Variants in PDCD1LG2 observed in about 807,000 individuals in gnomAD.
PDCD1LG2 encodes programmed cell death 1 ligand 2, also known as B7 dendritic cell molecule.
A neutral mutation model predicts 28.2 loss-of-function variants in PDCD1LG2; 32 were observed. The observed-to-expected ratio is 1.13, with a 90% confidence interval of 0.86 to 1.52. The LOEUF (loss-of-function observed/expected upper bound fraction) is 1.52, where lower values mean the gene tolerates loss of function less well. PDCD1LG2 is among the 40% of genes most tolerant of loss of function. The pLI, the probability that PDCD1LG2 is intolerant of heterozygous loss-of-function variation, is 0.00. For missense variants in PDCD1LG2, 385 were observed against 323.8 expected, an observed-to-expected ratio of 1.19 and a Z score of -1.45; for synonymous variants, 116 against 120.2, an observed-to-expected ratio of 0.97 and a Z score of 0.23.
At chr9:5,543,731 G>A (rs963267335) in intron 3 of PDCD1LG2, among the ~76,000 whole-genome samples, 4 of 152,036 alleles carry the variant, frequency 2.6e-5, no homozygotes, top group African/African-American at 9.7e-5. Flanking sequence ...GAAACAGAAG[G>A]GTGTAAGAAA....
Position 5,522,599 on chromosome 9 carries a change from C to T in PDCD1LG2, c.53C>T (p.Ala18Val), listed in dbSNP as rs779657826. The change falls in exon 2 of 7, where the codon GCA (alanine) becomes GTA (valine). Residue 18 changes from alanine to valine, a missense_variant and splice_region_variant. Coordinates refer to ENST00000397747, the MANE Select transcript of PDCD1LG2 (RefSeq NM_025239.4). ...CTGGAATTGCAGCTTCACCAGATAG[C>T]AGGTAAGAAAGGACAAAGGGAGAGG... ...LSLELQLHQI[A>V]ALFTVTVPKE... The T allele has an allele frequency of 2.0e-5, 32 of 1,613,288 alleles. No individual in the cohort carries two copies. Among genetic ancestry groups the T allele is most frequent in the Non-Finnish European group, 2.6e-5 (31 of 1,179,502 alleles).
intron 4 of PDCD1LG2, among the ~76,000 whole-genome samples, chr9:5,550,699 C>CT (rs201167086): frequency 0.1 from 14,588 of 140,846 alleles, 876 homozygotes; most frequent in Middle Eastern, 0.2. Flanking sequence ...CTCTCTCTCT[C>CT]TTTTTTTTTT....
intron 4 of PDCD1LG2, 86 bp downstream of exon 4, chr9:5,549,690 T>C: frequency 6.7e-7 from 1 of 1,487,706 alleles, no homozygotes; most frequent in East Asian, 2.3e-5. Context: ...GAGGAGAGTG[T>C]AATAAAGGGA....
At chr9:5,551,236 G>C (rs1455750028) in intron 4 of PDCD1LG2, among the ~76,000 whole-genome samples, 1 of 152,144 alleles carries the variant, frequency 6.6e-6, no homozygotes, top group Non-Finnish European at 1.5e-5. Context: ...TCAGACTAAA[G>C]GACAGTCCCT....
At chr9:5,523,944 A>C (rs547043483) in intron 2 of PDCD1LG2, among the ~76,000 whole-genome samples, 5 of 152,284 alleles carry the variant, frequency 3.3e-5, no homozygotes, top group African/African-American at 1.2e-4. Context: ...TTTATCCCTC[A>C]TTGGCTCTTT....
intron 2 of PDCD1LG2, among the ~76,000 whole-genome samples, chr9:5,523,154 G>T (rs1258545841): frequency 6.6e-6 from 1 of 152,186 alleles, no homozygotes; most frequent in Non-Finnish European, 1.5e-5. Context: ...GAACCTTAAG[G>T]CTATCCCTTT....
chr9:5,552,996 C>G (rs892820395), intron 4 of PDCD1LG2, among the ~76,000 whole-genome samples: 33 of 152,268 alleles, frequency 2.2e-4, no homozygotes, highest in African/African-American at 7.5e-4. Flanking sequence ...AATCCCAGCA[C>G]TTTGGGAGGC....
chr9:5,541,359 G>A (rs1420135036), intron 3 of PDCD1LG2, among the ~76,000 whole-genome samples: 1 of 152,110 alleles, frequency 6.6e-6, no homozygotes, highest in East Asian at 1.9e-4. Flanking sequence ...CCTGGCCAGA[G>A]CACTCAAAGA....
At chr9:5,547,425 G>C (rs1816234334) in intron 3 of PDCD1LG2, among the ~76,000 whole-genome samples, 1 of 152,114 alleles carries the variant, frequency 6.6e-6, no homozygotes, top group African/African-American at 2.4e-5. Flanking sequence ...ACTGCATATG[G>C]TATTGATATT....
chr9:5,515,629 G>C (rs555770676), intron 1 of PDCD1LG2, among the ~76,000 whole-genome samples: 1 of 152,264 alleles, frequency 6.6e-6, no homozygotes, highest in East Asian at 1.9e-4. Flanking sequence ...ATCCCAGAGA[G>C]GTGAGGAGAC....
At chr9:5,515,996 C>T (rs1244361622) in intron 1 of PDCD1LG2, among the ~76,000 whole-genome samples, 1 of 151,420 alleles carries the variant, frequency 6.6e-6, no homozygotes, top group Non-Finnish European at 1.5e-5. Flanking sequence ...AACTGCTTCC[C>T]CTAGCTGGTA....
chr9:5,533,781 T>A (rs963407679), intron 2 of PDCD1LG2, among the ~76,000 whole-genome samples: 1 of 152,016 alleles, frequency 6.6e-6, no homozygotes, highest in East Asian at 1.9e-4. Context: ...ATTTTAACTT[T>A]ACTAACATAT....
intron 2 of PDCD1LG2, 66 bp from the exon 3 acceptor site, chr9:5,534,679 C>T (rs1239434523): frequency 6.9e-6 from 10 of 1,447,788 alleles, no homozygotes; most frequent in Admixed American, 2.0e-5. Context: ...TCTCAGGTTA[C>T]ACTTCGTAAG....
intron 2 of PDCD1LG2, among the ~76,000 whole-genome samples, chr9:5,531,185 C>T (rs1010177383): frequency 6.6e-6 from 1 of 152,204 alleles, no homozygotes; most frequent in African/African-American, 2.4e-5. Context: ...AAGATTGAGG[C>T]CCTCTGCTTA....
rs965537658 is a variant in PDCD1LG2 at position 5,544,241 on chromosome 9, A to G, written c.362-5094A>G. ...GAGACTGAGAAGCCAAACAGAGAAC[A>G]GGGAAGCAATTCAGAAATTAGCAAT... On this transcript the variant is annotated intron_variant, in intron 3 of 6. Coordinates refer to ENST00000397747, the MANE Select transcript of PDCD1LG2 (RefSeq NM_025239.4). Among the ~76,000 whole-genome samples the G allele has an allele frequency of 2.6e-4, 39 of 152,338 alleles. 1 individual carries two copies. The highest frequency in any genetic ancestry group is 8.4e-4 in the African/African-American group (35 of 41,586).
intron 3 of PDCD1LG2, among the ~76,000 whole-genome samples, chr9:5,542,859 C>CA (rs56122474): frequency 0.16 from 23,722 of 151,630 alleles, 2,418 homozygotes; most frequent in East Asian, 0.28. Flanking sequence ...AGTCATTATA[C>CA]AAAAAAAAGA....
chr9:5,548,789 T>TC, intron 3 of PDCD1LG2, among the ~76,000 whole-genome samples: 1 of 152,348 alleles, frequency 6.6e-6, no homozygotes, highest in South Asian at 2.1e-4. Context: ...TTATTTTTTT[T>TC]CTCTTCTTAA....
intron 5 of PDCD1LG2, among the ~76,000 whole-genome samples, chr9:5,559,652 G>C (rs1362959744): frequency 6.6e-6 from 1 of 152,200 alleles, no homozygotes; most frequent in African/African-American, 2.4e-5. Context: ...TTGGACTACA[G>C]AGAAATCTTC....
chr9:5,546,175 G>T (rs1360047706), intron 3 of PDCD1LG2, among the ~76,000 whole-genome samples: 1 of 152,082 alleles, frequency 6.6e-6, no homozygotes, highest in Non-Finnish European at 1.5e-5. Context: ...TGTATCCCAA[G>T]TCAAAGCCTC....
Sources: allele counts gnomAD v4.1 joint callset (sites outside exome capture counted in the v4.1 genomes callset), GRCh38; gene constraint gnomAD v4.1.1; transcripts MANE v1.5; gene names NCBI Gene and HGNC (gene_info 2026-07-23, HGNC 2026-07-21).